CSMD1: variants seen among roughly 807,000 people sequenced by gnomAD.
The protein encoded by CSMD1 is CUB and Sushi multiple domains 1, also known as CUB and sushi domain-containing protein 1.
Under a neutral mutation model 417.5 loss-of-function variants are expected in CSMD1, and 213 were observed. The observed-to-expected ratio is 0.51, with a 90% CI of 0.46 to 0.57. The LOEUF is 0.57. CSMD1 is among the 20% of genes least tolerant of loss of function. CSMD1 has a pLI of 0.00. For synonymous variants in CSMD1, 2,862 were observed against 1,736.8 expected, an observed-to-expected ratio of 1.65 and a Z score of -16.11; for missense variants, 6,923 against 4,529.7, an observed-to-expected ratio of 1.53 and a Z score of -15.17.
chr8:3,366,757 T>C lies in CSMD1; in HGVS notation c.3115+275A>G, dbSNP rs527558752. Among the ~76,000 whole-genome samples, 80 of 152,304 alleles carry C rather than the reference T, an allele frequency of 5.3e-4. No homozygotes were observed. In the Middle Eastern group the frequency reaches 0.01, roughly 19 times the overall value. On this transcript the variant is annotated intron_variant, in intron 20 of 69. Coordinates refer to ENST00000635120, the MANE Select transcript of CSMD1 (RefSeq NM_033225.6). ...GAAGAGAATCGAGTGAGAAGGGCTTTGCAGAATGTAGTGACATCTACAGAT... is the reference window on the plus strand; with the variant it reads ...GAAGAGAATCGAGTGAGAAGGGCTTCGCAGAATGTAGTGACATCTACAGAT...
intron 2 of CSMD1, among the ~76,000 whole-genome samples, chr8:4,589,084 G>A (rs1259599689): frequency 6.6e-6 from 1 of 151,970 alleles, no homozygotes; most frequent in South Asian, 2.1e-4. Flanking sequence ...TAAAAAATAT[G>A]TTGTCCTTAG....
chr8:4,056,553 A>G (rs1223041719), intron 3 of CSMD1, among the ~76,000 whole-genome samples: 3 of 146,078 alleles, frequency 2.1e-5, no homozygotes, highest in Non-Finnish European at 4.4e-5. Context: ...TTATTATTAT[A>G]GTTTAAGTTT....
intron 52 of CSMD1, among the ~76,000 whole-genome samples, chr8:3,005,244 C>T (rs555503384): frequency 1.3e-5 from 2 of 152,154 alleles, no homozygotes; most frequent in Non-Finnish European, 1.5e-5. Flanking sequence ...GGAATTTGAA[C>T]GTCTTTCCTG....
intron 3 of CSMD1, among the ~76,000 whole-genome samples, chr8:4,264,730 G>T (rs1425039615): frequency 6.6e-6 from 1 of 152,118 alleles, no homozygotes; most frequent in Non-Finnish European, 1.5e-5. Flanking sequence ...CTGCCCAGGG[G>T]TAGGGAACAT....
chr8:4,251,880 G>C (rs376555753), intron 3 of CSMD1, among the ~76,000 whole-genome samples: 9 of 148,040 alleles, frequency 6.1e-5, no homozygotes, highest in Non-Finnish European at 1.2e-4. Flanking sequence ...GGTGGAGGAA[G>C]AGGGGAAGGG....
intron 6 of CSMD1, among the ~76,000 whole-genome samples, chr8:3,727,094 C>T (rs1405838030): frequency 6.6e-6 from 1 of 152,126 alleles, no homozygotes; most frequent in Non-Finnish European, 1.5e-5. Flanking sequence ...TAATGTTACC[C>T]AACTTACTAC....
intron 5 of CSMD1, among the ~76,000 whole-genome samples, chr8:3,785,119 C>G (rs536579641): frequency 3.9e-5 from 6 of 152,144 alleles, no homozygotes; most frequent in Non-Finnish European, 8.8e-5. Context: ...CTGGTCCTAC[C>G]TCTGTGATGT....
Position 4,071,114 on chromosome 8 carries a change from T to C in CSMD1, c.416-39015A>G, listed in dbSNP as rs139580365. On this transcript the variant is annotated intron_variant, in intron 3 of 69. Coordinates refer to ENST00000635120, the MANE Select transcript of CSMD1 (RefSeq NM_033225.6). ...CTTTCAGTTTACAGAGACTCTTGAG[T>C]CTTTTTTTTTCTTTTTTTTCCAAAT... is the stretch of plus-strand genomic sequence containing the variant. 4.0e-3 allele frequency among the ~76,000 whole-genome samples: 608 copies of C among 152,106 alleles called. 5 individuals are homozygous for C. Among genetic ancestry groups the C allele is most frequent in the Middle Eastern group, 0.017 (5 of 292 alleles).
At position 4,885,974 on chromosome 8, in the gene CSMD1, TTTATTTAC is replaced by T. The variant is rs1014175627; in HGVS notation, c.85+108350_85+108357del. Among the ~76,000 whole-genome samples the T allele has an allele frequency of 4.3e-5, 6 of 139,484 alleles. No homozygotes were observed. In the East Asian group the frequency reaches 6.2e-4, roughly 14 times the overall value. The allele number at this position is 139,484 out of a possible 152,430, so 91.5% of individuals were successfully genotyped here. A position where few individuals can be genotyped will look rare whatever the true frequency, so the allele number is the denominator to read the frequency against. On this transcript the variant is annotated intron_variant, in intron 1 of 69. Transcript: ENST00000635120. The stretch of plus-strand genomic sequence containing the variant: ...TCTTACATTTAGGTCTCTGATCCTT[TTTATTTAC>T]TTATTTACTTATTTATTTACTTATT...
At chr8:4,759,108 C>T (rs554311052) in intron 1 of CSMD1, among the ~76,000 whole-genome samples, 1 of 152,176 alleles carries the variant, frequency 6.6e-6, no homozygotes, top group Non-Finnish European at 1.5e-5. Flanking sequence ...GAGGGAAATG[C>T]ATTTGGGCTG....
At chr8:4,484,200 G>GAAA (rs79443875) in intron 2 of CSMD1, among the ~76,000 whole-genome samples, 1 of 105,424 alleles carries the variant, frequency 9.5e-6, no homozygotes. Context: ...TGGATGACAC[G>GAAA]AAAAAAAAAA....
chr8:3,894,078 G>A (rs1047577127), intron 5 of CSMD1, among the ~76,000 whole-genome samples: 8 of 152,148 alleles, frequency 5.3e-5, no homozygotes, highest in Admixed American at 2.0e-4. Flanking sequence ...GCAGCAAGCC[G>A]TTAATTGTCT....
At chr8:4,876,091 A>G (rs965336807) in intron 1 of CSMD1, among the ~76,000 whole-genome samples, 1 of 152,126 alleles carries the variant, frequency 6.6e-6, no homozygotes, top group Admixed American at 6.5e-5. Flanking sequence ...GAGTATAACA[A>G]AAAAGTACAG....
At chr8:4,221,130 A>C (rs1003266803) in intron 3 of CSMD1, among the ~76,000 whole-genome samples, 2 of 152,178 alleles carry the variant, frequency 1.3e-5, no homozygotes, top group South Asian at 2.1e-4. Flanking sequence ...AGAGAATAGA[A>C]ATGTAAAGAG....
intron 3 of CSMD1, among the ~76,000 whole-genome samples, chr8:4,165,242 G>T (rs1489575851): frequency 6.6e-6 from 1 of 152,180 alleles, no homozygotes; most frequent in Non-Finnish European, 1.5e-5. Context: ...CTTTTCAAAA[G>T]GACATGGAGG....
At chr8:4,654,923 A>T (rs1281755095) in intron 1 of CSMD1, among the ~76,000 whole-genome samples, 1 of 151,894 alleles carries the variant, frequency 6.6e-6, no homozygotes, top group Non-Finnish European at 1.5e-5. Context: ...CATGTAACAA[A>T]CCTGCACAGG....
At chr8:2,983,350 C>G (rs1035424896) in intron 54 of CSMD1, among the ~76,000 whole-genome samples, 4 of 151,942 alleles carry the variant, frequency 2.6e-5, no homozygotes, top group Admixed American at 2.6e-4. Context: ...CCATGCCTGG[C>G]TAATTTTTTG....
At chr8:3,140,073 T>C (rs1373399604) in intron 41 of CSMD1, among the ~76,000 whole-genome samples, 1 of 152,040 alleles carries the variant, frequency 6.6e-6, no homozygotes, top group Non-Finnish European at 1.5e-5. Context: ...CCGGCTAATT[T>C]TGGTATTTTT....
At chr8:4,851,052 A>ACACAT (rs1279851131) in intron 1 of CSMD1, among the ~76,000 whole-genome samples, 1 of 151,796 alleles carries the variant, frequency 6.6e-6, no homozygotes, top group Non-Finnish European at 1.5e-5. Context: ...GCACCCATTA[A>ACACAT]CACATCATTT....
Sources: allele counts gnomAD v4.1 joint callset (sites outside exome capture counted in the v4.1 genomes callset), GRCh38; gene constraint gnomAD v4.1.1; transcripts MANE v1.5; gene names NCBI Gene and HGNC (gene_info 2026-07-23, HGNC 2026-07-21).